Variants in PATJ observed in about 807,000 individuals in gnomAD.
PATJ encodes the protein PATJ crumbs cell polarity complex component, also known as inaD-like protein.
A neutral mutation model predicts 224.9 loss-of-function variants in PATJ; 190 were observed. The ratio of observed to expected loss-of-function variants is 0.84; its 90% CI spans 0.75 to 0.95. The LOEUF is 0.95. Among genes scored for constraint, PATJ ranks in the 40% least tolerant of loss-of-function variants. The probability of loss-of-function intolerance (pLI) is 0.00; values close to 1 mark genes in which losing one functional copy is unlikely to be tolerated. For missense variants in PATJ, 2,121 were observed against 2,270.3 expected, an observed-to-expected ratio of 0.93 and a Z score of 1.34; for synonymous variants, 769 against 820.3, an observed-to-expected ratio of 0.94 and a Z score of 1.07.
intron 1 of PATJ, among the ~76,000 whole-genome samples, chr1:61,755,371 C>T (rs1159716217): frequency 6.6e-6 from 1 of 151,238 alleles, no homozygotes; most frequent in Non-Finnish European, 1.5e-5. Flanking sequence ...ACCTTACCCT[C>T]ATAAAGTTTC....
chr1:61,938,128 C>G (rs192751992), intron 27 of PATJ, among the ~76,000 whole-genome samples: 5 of 152,252 alleles, frequency 3.3e-5, no homozygotes, highest in Admixed American at 6.5e-5. Context: ...AACAGCATCC[C>G]AGGCCTTTTC....
rs183864847 is a variant in PATJ at position 61,887,044 on chromosome 1, T to C, written c.3131+2636T>C. Among the ~76,000 whole-genome samples, 1,084 of 151,548 alleles carry C rather than the reference T, an allele frequency of 7.2e-3. 11 individuals carry two copies. The highest frequency in any genetic ancestry group is 0.025 in the African/African-American group (1,034 of 41,346). On this transcript the variant is annotated intron_variant, in intron 22 of 43. Transcript: ENST00000642238. Reference sequence around the variant, plus strand: ...TTAATGTATCAAGGCAATGGGAAAATATATATATGTGTATATATATAATGT... The same window carrying C: ...TTAATGTATCAAGGCAATGGGAAAACATATATATGTGTATATATATAATGT...
At chr1:61,938,296 AT>A (rs1224416703) in intron 27 of PATJ, among the ~76,000 whole-genome samples, 1 of 152,116 alleles carries the variant, frequency 6.6e-6, no homozygotes, top group African/African-American at 2.4e-5. Flanking sequence ...AGGAAGAATT[AT>A]TTTGTCCAGA....
At chr1:61,884,783 T>C (rs139651139) in intron 22 of PATJ, among the ~76,000 whole-genome samples, 1 of 152,196 alleles carries the variant, frequency 6.6e-6, no homozygotes, top group Non-Finnish European at 1.5e-5. Context: ...AAGGGGGTAG[T>C]TGAGGATGAC....
At chr1:61,915,650 ATTCTTTTAT>A (rs1483582977) in intron 26 of PATJ, among the ~76,000 whole-genome samples, 2 of 150,548 alleles carry the variant, frequency 1.3e-5, no homozygotes, top group Non-Finnish European at 3.0e-5. Flanking sequence ...AATTTGTTAA[ATTCTTTTAT>A]TTCTTTTAAT....
At chr1:61,758,050 T>G (rs889142850) in intron 1 of PATJ, among the ~76,000 whole-genome samples, 3 of 152,212 alleles carry the variant, frequency 2.0e-5, no homozygotes, top group Non-Finnish European at 2.9e-5. Context: ...CATTCAGTTG[T>G]GCATATTGGA....
chr1:62,128,761 C>A, intron 40 of PATJ, 80 bp from the exon 41 acceptor site: 1 of 979,406 alleles, frequency 1.0e-6, no homozygotes, highest in Non-Finnish European at 1.7e-6. Flanking sequence ...GGAAATAGGA[C>A]TCGCAAAGAA....
At chr1:62,057,478 G>C (rs1043540889) in intron 31 of PATJ, among the ~76,000 whole-genome samples, 1 of 152,158 alleles carries the variant, frequency 6.6e-6, no homozygotes, top group African/African-American at 2.4e-5. Flanking sequence ...CACTGTAGCC[G>C]CAGTGTGGCA....
At chr1:61,781,898 A>G (rs1378638801) in intron 7 of PATJ, among the ~76,000 whole-genome samples, 1 of 152,236 alleles carries the variant, frequency 6.6e-6, no homozygotes, top group Admixed American at 6.5e-5. Flanking sequence ...CTCCCCATGG[A>G]GTCATATAGG....
chr1:61,787,725 C>G (rs1219931863), intron 7 of PATJ, 29 bp from the exon 8 acceptor site: 1 of 1,530,390 alleles, frequency 6.5e-7, no homozygotes, highest in Admixed American at 1.7e-5. Context: ...GCATTTATTT[C>G]TCAAAATAAT....
At chr1:61,967,496 A>T (rs1378474020) in intron 27 of PATJ, among the ~76,000 whole-genome samples, 3 of 152,238 alleles carry the variant, frequency 2.0e-5, no homozygotes, top group African/African-American at 4.8e-5. Context: ...GTACAGTTTC[A>T]TCTTACCTTT....
intron 22 of PATJ, 43 bp downstream of exon 22, chr1:61,884,451 GTTTTTTTTTT>G: frequency 6.4e-5 from 41 of 640,636 alleles, no homozygotes; most frequent in East Asian, 1.4e-4. Context: ...TAAAATAGTG[GTTTTTTTTTT>G]TTTTTTTTTT....
Position 62,116,540 on chromosome 1 carries a change from G to A in PATJ, c.4664G>A (p.Ser1555Asn), listed in dbSNP as rs79226919. 13,345 of 1,613,892 alleles carry A rather than the reference G, an allele frequency of 8.3e-3. 937 individuals are homozygous for A. The African/African-American group carries it at 0.16, about 19-fold the overall frequency. ...CTGTATGGTATTAACAGAAATGGAA[G>A]CGGAGTGTTTATTTCTGACATCGTG... Reference protein sequence around the residue: ...GLSIVGKRNGSGVFISDIVKG... With the variant: ...GLSIVGKRNGNGVFISDIVKG... Residue 1555 changes from serine to asparagine, a missense_variant, in exon 36 of 44, where the codon AGC becomes AAC. Transcript: ENST00000642238.
At chr1:62,013,138 C>T (rs1054479584) in intron 28 of PATJ, among the ~76,000 whole-genome samples, 6 of 152,226 alleles carry the variant, frequency 3.9e-5, no homozygotes, top group African/African-American at 1.4e-4. Flanking sequence ...TTCAGATTTC[C>T]TCTTACGTAA....
chr1:61,997,991 T>TATATATATATATATATATATATATAA (rs1645488571), intron 28 of PATJ, among the ~76,000 whole-genome samples: 1 of 105,612 alleles, frequency 9.5e-6, no homozygotes, highest in Non-Finnish European at 1.9e-5. Flanking sequence ...CTTATATATG[T>TATATATATATATATATATATATATAA]ATATATAATA....
chr1:61,909,800 A>G (rs1672356581), intron 25 of PATJ, among the ~76,000 whole-genome samples: 1 of 152,180 alleles, frequency 6.6e-6, no homozygotes, highest in Non-Finnish European at 1.5e-5. Flanking sequence ...TATATGGCAA[A>G]CTGGGTGGGT....
At chr1:62,118,192 C>CTTTTT (rs199756213) in intron 37 of PATJ, among the ~76,000 whole-genome samples, 4 of 146,020 alleles carry the variant, frequency 2.7e-5, no homozygotes, top group African/African-American at 1.0e-4. Context: ...GTTTGAAACA[C>CTTTTT]TTTTTTTTTT....
chr1:62,082,851 C>G (rs1444724778), intron 32 of PATJ, among the ~76,000 whole-genome samples: 1 of 152,028 alleles, frequency 6.6e-6, no homozygotes, highest in East Asian at 1.9e-4. Flanking sequence ...GTCCGCTGAC[C>G]CCTGCTTTTA....
chr1:62,093,584 T>A (rs1342411223), intron 33 of PATJ, among the ~76,000 whole-genome samples: 1 of 152,172 alleles, frequency 6.6e-6, no homozygotes, highest in African/African-American at 2.4e-5. Context: ...TATTTTAAAA[T>A]CAAAGCAGAG....
Sources: gnomAD v4.1 joint callset for allele counts (sites outside exome capture counted in the v4.1 genomes callset) on GRCh38, gnomAD v4.1.1 for gene constraint, MANE v1.5 for transcripts, NCBI Gene and HGNC (gene_info 2026-07-23, HGNC 2026-07-21) for gene names.